Variants in FBXL2 observed in about 807,000 individuals in gnomAD.
FBXL2 encodes the protein F-box/LRR-repeat protein 2.
Under a neutral mutation model 69.2 loss-of-function variants are expected in FBXL2, and 38 were observed. The ratio of observed to expected loss-of-function variants is 0.55; its 90% CI spans 0.42 to 0.72. The LOEUF is 0.72. Ranked by LOEUF, FBXL2 falls within the 30% of genes least tolerant of loss-of-function variation. FBXL2 has a pLI of 0.00. For missense variants in FBXL2, 354 were observed against 520.3 expected (o/e 0.68, Z 3.11); for synonymous variants, 192 against 201.3 (o/e 0.95, Z 0.39).
At position 33,284,256 on chromosome 3, in the gene FBXL2, C is replaced by T. The variant is rs545760293; in HGVS notation, c.3+6741C>T. ...GAGATTCTGGTATGTTGTGTCTTTG[C>T]TCTCATTGGTTTCAAAGAACATCTT... On this transcript the variant is annotated intron_variant, in intron 1 of 14. Transcript: ENST00000484457. 2.8e-4 allele frequency among the ~76,000 whole-genome samples: 43 copies of T among 152,256 alleles called. 1 individual carries two copies. In the South Asian group the frequency reaches 3.3e-3, roughly 12 times the overall value.
Position 33,364,657 on chromosome 3 carries a change from C to T in FBXL2, c.228C>T (p.Cys76=), listed in dbSNP as rs755738225. The T allele has an allele frequency of 2.5e-5, 40 of 1,614,106 alleles. No individual in the cohort carries two copies. Among genetic ancestry groups the T allele is most frequent in the Non-Finnish European group, 3.1e-5 (37 of 1,180,016 alleles). ...TGGTGGAAAATATCTCGAAGCGATG[C>T]GGTGGATTCCTGAGGAAGCTCAGCT... ...GRVVENISKR[C]GGFLRKLSLR... Residue 76 remains cysteine (C), a synonymous_variant, in exon 5 of 15, where the codon TGC becomes TGT. Transcript: ENST00000484457.
At chr3:33,352,808 T>C (rs1414680073) in intron 2 of FBXL2, among the ~76,000 whole-genome samples, 1 of 152,108 alleles carries the variant, frequency 6.6e-6, no homozygotes, top group African/African-American at 2.4e-5. Context: ...AGGCAGAGAA[T>C]TGCTTGAATA....
chr3:33,334,789 A>T (rs2039443671), intron 2 of FBXL2, among the ~76,000 whole-genome samples: 1 of 152,108 alleles, frequency 6.6e-6, no homozygotes, highest in Non-Finnish European at 1.5e-5. Flanking sequence ...GGCTAAAAAA[A>T]TTGGGGGGAG....
chr3:33,300,809 C>T (rs556366178), intron 2 of FBXL2, among the ~76,000 whole-genome samples: 18 of 151,398 alleles, frequency 1.2e-4, no homozygotes, highest in African/African-American at 3.6e-4. Context: ...CCCGGGTTCA[C>T]GCCATTCTCC....
intron 5 of FBXL2, among the ~76,000 whole-genome samples, chr3:33,370,806 T>A (rs1028434949): frequency 6.6e-6 from 1 of 152,134 alleles, no homozygotes; most frequent in Non-Finnish European, 1.5e-5. Flanking sequence ...TTGATCAATT[T>A]GGTTATTATA....
At chr3:33,286,912 C>T (rs1369961976) in intron 1 of FBXL2, among the ~76,000 whole-genome samples, 2 of 152,170 alleles carry the variant, frequency 1.3e-5, no homozygotes, top group African/African-American at 4.8e-5. Flanking sequence ...GTGGGAGTGT[C>T]CCGATTTTCC....
At chr3:33,299,653 G>A (rs141950637) in intron 2 of FBXL2, among the ~76,000 whole-genome samples, 64 of 152,016 alleles carry the variant, frequency 4.2e-4, no homozygotes, top group African/African-American at 1.5e-3. Context: ...GACTTCAGAG[G>A]GTGTTTCATT....
chr3:33,381,112 G>T (rs1314902961), intron 13 of FBXL2, among the ~76,000 whole-genome samples: 1 of 152,076 alleles, frequency 6.6e-6, no homozygotes, highest in Non-Finnish European at 1.5e-5. Flanking sequence ...AGCACCCTCT[G>T]ATTTTCCTTA....
At chr3:33,356,789 G>A (rs865900351) in intron 2 of FBXL2, among the ~76,000 whole-genome samples, 6 of 152,200 alleles carry the variant, frequency 3.9e-5, no homozygotes, top group Non-Finnish European at 5.9e-5. Flanking sequence ...AGGAGTTAGA[G>A]TATCAAGCAT....
intron 12 of FBXL2, among the ~76,000 whole-genome samples, chr3:33,401,235 T>G (rs781551033): frequency 6.6e-6 from 1 of 152,184 alleles, no homozygotes. Context: ...AATTTGTGCC[T>G]TCTTCATCTG....
chr3:33,373,636 G>A lies in FBXL2; in HGVS notation c.514G>A (p.Asp172Asn). 1 of 1,614,210 alleles carries A rather than the reference G, an allele frequency of 6.2e-7. No homozygotes were observed. The stretch of plus-strand genomic sequence containing the variant: ...CTCTTGGTGTGATCAGATCACGAAG[G>A]ATGGCATCGAGGCACTGGTGCGAGG... ...NLSWCDQITK[D>N]GIEALVRGCR... Residue 172 changes from aspartate to asparagine, a missense_variant, in exon 8 of 15, where the codon GAT becomes AAT. Asp to Asn is a conservative substitution (Grantham distance 23). Coordinates refer to ENST00000484457, the MANE Select transcript of FBXL2 (RefSeq NM_012157.5).
intron 2 of FBXL2, among the ~76,000 whole-genome samples, chr3:33,333,265 AAT>A (rs996235799): frequency 1.3e-5 from 2 of 152,238 alleles, no homozygotes; most frequent in Non-Finnish European, 2.9e-5. Flanking sequence ...TAAAAGAGAA[AAT>A]ATTGATAATA....
At chr3:33,277,424 G>A (rs908011667), upstream of FBXL2, 40 of 1,233,624 alleles carry the variant, frequency 3.2e-5, no homozygotes, top group Admixed American at 4.2e-5. Flanking sequence ...TGGGGACGGG[G>A]CGGGGCGCCT....
chr3:33,412,887 A>G, the FBXL2 span: 47 of 1,083,246 alleles, frequency 4.3e-5, no homozygotes, highest in Non-Finnish European at 5.6e-5. Flanking sequence ...ATGCAGGACC[A>G]TTTCTACTTC....
chr3:33,320,714 G>C (rs926389753), intron 2 of FBXL2, among the ~76,000 whole-genome samples: 29 of 151,908 alleles, frequency 1.9e-4, no homozygotes, highest in Admixed American at 7.9e-4. Context: ...CTCCTGACCT[G>C]GTGATCCACC....
chr3:33,369,843 C>T (rs2154046566), intron 5 of FBXL2, among the ~76,000 whole-genome samples: 1 of 152,104 alleles, frequency 6.6e-6, no homozygotes, highest in South Asian at 2.1e-4. Flanking sequence ...AAACTCCTGG[C>T]CTCAAGTGAT....
chr3:33,370,120 A>C (rs2042195198), intron 5 of FBXL2, among the ~76,000 whole-genome samples: 1 of 152,032 alleles, frequency 6.6e-6, no homozygotes, highest in Admixed American at 6.6e-5. Flanking sequence ...ACTTAAAAAA[A>C]ATATTTTTGC....
intron 2 of FBXL2, among the ~76,000 whole-genome samples, chr3:33,317,791 G>T (rs1237688833): frequency 1.3e-5 from 2 of 152,120 alleles, no homozygotes; most frequent in Non-Finnish European, 2.9e-5. Flanking sequence ...GACTGTACAT[G>T]TTGAAAATCC....
At chr3:33,408,672 G>A in the FBXL2 span, 1 of 1,599,630 alleles carries the variant, frequency 6.3e-7, no homozygotes, top group Non-Finnish European at 8.5e-7. Flanking sequence ...AATGAAAAGA[G>A]AAGCAGAAGT....
Sources: allele counts gnomAD v4.1 joint callset (sites outside exome capture counted in the v4.1 genomes callset), GRCh38; gene constraint gnomAD v4.1.1; transcripts MANE v1.5; gene names NCBI Gene and HGNC (gene_info 2026-07-23, HGNC 2026-07-21).